Variants in SEC22C observed in about 807,000 individuals in gnomAD.
The protein encoded by SEC22C is SEC22 homolog C, vesicle trafficking protein.
In SEC22C, 29 loss-of-function variants were observed where a neutral mutation model predicts 34.7. The observed-to-expected ratio is 0.84, with a 90% CI of 0.62 to 1.14. SEC22C has a LOEUF of 1.14. Ranked by LOEUF, SEC22C falls within the 50% of genes most tolerant of loss-of-function variation. The pLI is 0.00. For missense variants in SEC22C, 337 were observed against 369.0 expected, an observed-to-expected ratio of 0.91 and a Z score of 0.71; for synonymous variants, 117 against 132.8, an observed-to-expected ratio of 0.88 and a Z score of 0.82.
chr3:42,549,131 C>T lies in SEC22C; in HGVS notation c.*4117G>A. On this transcript the variant is annotated 3_prime_UTR_variant, in exon 7 of 7. Transcript: ENST00000264454. Reference sequence around the variant, plus strand: ...CAAGGGCACAGCTACACTCTTTCTCCACCATTATTAACACTCACAGGGCAC... The same window carrying T: ...CAAGGGCACAGCTACACTCTTTCTCTACCATTATTAACACTCACAGGGCAC... The T allele has an allele frequency of 1.0e-6, 1 of 992,430 alleles. No individual in the cohort carries two copies. The highest frequency in any genetic ancestry group is 1.2e-6 in the Non-Finnish European group (1 of 833,682). 61.5% of individuals were successfully genotyped at this position (992,430 alleles called of 1,614,324 possible).
At chr3:42,589,627 A>C (rs1282987023) in intron 1 of SEC22C, among the ~76,000 whole-genome samples, 2 of 152,224 alleles carry the variant, frequency 1.3e-5, no homozygotes, top group East Asian at 3.8e-4. Flanking sequence ...CAGCGGGAGC[A>C]TTAGATTCTC....
Position 42,596,166 on chromosome 3 carries a change from C to T in SEC22C, c.-28+4794G>A, listed in dbSNP as rs369125001. Among the ~76,000 whole-genome samples the T allele has an allele frequency of 8.5e-5, 13 of 152,132 alleles. No homozygotes were observed. In the South Asian group the frequency reaches 2.7e-3, roughly 32 times the overall value. ...CCTCCCAAGTAGCTGGGATTACAGG[C>T]ATGTGGCACCATGCCTGGCTAATTT... On this transcript the variant is annotated intron_variant, in intron 1 of 6. Transcript: ENST00000417572.
Position 42,553,153 on chromosome 3 carries a change from G to T in SEC22C, c.*95C>A. On this transcript the variant is annotated 3_prime_UTR_variant, in exon 7 of 7. Transcript: ENST00000264454. ...TTTTTCAGTCCAGTTGGCTGAAAAG[G>T]ATGGAAACTGGAGTGTAAAGTAGAG... 3.3e-6 allele frequency: 5 copies of T among 1,521,968 alleles called. No individual in the cohort carries two copies. Among genetic ancestry groups the T allele is most frequent in the Non-Finnish European group, 4.4e-6 (5 of 1,142,686 alleles). The allele number at this position is 1,521,968 out of a possible 1,614,324, so 94.3% of individuals were successfully genotyped here.
rs931867470 is a variant in SEC22C, at chr3:42,551,160, T to C, written c.*2088A>G. ...ATTGACTTTTAAAGCTTTTTTGTTCTTCTCATTTAAAACATTTTACCTCCC... is the reference window on the plus strand; with the variant it reads ...ATTGACTTTTAAAGCTTTTTTGTTCCTCTCATTTAAAACATTTTACCTCCC... On this transcript the variant is annotated 3_prime_UTR_variant, in exon 7 of 7. Coordinates refer to ENST00000264454, the MANE Select transcript of SEC22C (RefSeq NM_032970.4). The C allele has an allele frequency of 8.1e-6, 8 of 985,256 alleles. No homozygotes were observed. The highest frequency in any genetic ancestry group is 8.4e-6 in the Non-Finnish European group (7 of 829,924). 61.0% of individuals were successfully genotyped at this position (985,256 alleles called of 1,614,324 possible).
Position 42,563,678 on chromosome 3 carries a change from G to T in SEC22C, c.191C>A (p.Ser64Tyr). 3 of 1,613,860 alleles carry T rather than the reference G, an allele frequency of 1.9e-6. No individual in the cohort carries two copies. The highest frequency in any genetic ancestry group is 2.5e-6 in the Non-Finnish European group (3 of 1,179,898). The change falls in exon 3 of 7, where the codon TCT becomes TAT. Residue 64 changes from serine to tyrosine, a missense_variant. Ser to Tyr is a moderately radical substitution (Grantham distance 144). Coordinates refer to ENST00000264454, the MANE Select transcript of SEC22C (RefSeq NM_032970.4). ...EGCDFSIHFS[S>Y]FGDVACMAIC... ...AGCCATGCAGGCCACGTCCCCGAAA[G>T]AAGAAAAACTGAAACAAAAGGGCAA... is the stretch of plus-strand genomic sequence containing the variant.
chr3:42,563,392 G>C (rs1346403050), intron 3 of SEC22C, 131 bp downstream of exon 3: 4 of 702,296 alleles, frequency 5.7e-6, no homozygotes, highest in Non-Finnish European at 9.6e-6. Flanking sequence ...CATGGTACAA[G>C]TCTGTTCTTC....
intron 1 of SEC22C, among the ~76,000 whole-genome samples, chr3:42,590,413 G>A (rs966338845): frequency 6.6e-6 from 1 of 152,018 alleles, no homozygotes; most frequent in Non-Finnish European, 1.5e-5. Flanking sequence ...GGCGGATCAC[G>A]AGGTCAGGAG....
Position 42,551,696 on chromosome 3 carries a change from T to A in SEC22C, c.*1552A>T. The A allele has an allele frequency of 1.0e-6, 1 of 963,460 alleles. No individual in the cohort carries two copies. The highest frequency in any genetic ancestry group is 1.2e-6 in the Non-Finnish European group (1 of 809,930). 59.7% of individuals were successfully genotyped at this position (963,460 alleles called of 1,614,324 possible). The stretch of plus-strand genomic sequence containing the variant: ...GAAAATTCTATTATAAAAAATAAAG[T>A]TACTATGGCAACATTTTCCCAACAT... On this transcript the variant is annotated 3_prime_UTR_variant, in exon 7 of 7. Coordinates refer to ENST00000264454, the MANE Select transcript of SEC22C (RefSeq NM_032970.4).
At chr3:42,599,110 C>T (rs1011317453) in intron 1 of SEC22C, among the ~76,000 whole-genome samples, 1 of 151,422 alleles carries the variant, frequency 6.6e-6, no homozygotes, top group East Asian at 2.0e-4. Context: ...GGACTACGGG[C>T]GACCGCCACC....
chr3:42,575,196 G>A (rs1263276519), intron 1 of SEC22C, among the ~76,000 whole-genome samples: 1 of 151,938 alleles, frequency 6.6e-6, no homozygotes, highest in African/African-American at 2.4e-5. Flanking sequence ...AGAAGTCAAG[G>A]AAAAGAAAAC....
intron 1 of SEC22C, among the ~76,000 whole-genome samples, chr3:42,596,016 T>G (rs572849098): frequency 3.2e-4 from 48 of 151,850 alleles, no homozygotes; most frequent in Non-Finnish European, 4.6e-4. Context: ...TTTTTGGTTT[T>G]GTTTTGTTTT....
intron 1 of SEC22C, among the ~76,000 whole-genome samples, chr3:42,595,508 A>G (rs1027784319): frequency 6.6e-6 from 1 of 152,212 alleles, no homozygotes; most frequent in African/African-American, 2.4e-5. Flanking sequence ...TCACATAAGG[A>G]GTGACCTGAC....
chr3:42,584,053 TC>T (rs1704527647), upstream of SEC22C, among the ~76,000 whole-genome samples: 1 of 152,162 alleles, frequency 6.6e-6, no homozygotes. Flanking sequence ...TTGTAGATGG[TC>T]TATTGTGGGA....
In SEC22C at chr3:42,557,672, AC is replaced by A. The variant is rs1702610371; in HGVS notation, c.550del (p.Val184Ter). ...GAGGGAGAGGATACCCAGGGCTGTC[AC>A]TGGTTCCATTCGGAAATTAGGAGCT... Reference protein sequence around the residue: ...EPAPNFRMEPVTALGILSLIL... With the variant: ...EPAPNFRMEPXTALGILSLIL... On this transcript the variant is annotated frameshift_variant, in exon 5 of 7. Coordinates refer to ENST00000264454, the MANE Select transcript of SEC22C (RefSeq NM_032970.4). LOFTEE classifies it high-confidence loss of function. 3 of 1,607,658 alleles carry A rather than the reference AC, an allele frequency of 1.9e-6. No homozygotes were observed. Among genetic ancestry groups the A allele is most frequent in the Admixed American group, 1.7e-5 (1 of 59,734 alleles).
chr3:42,553,205 C>T lies in SEC22C; in HGVS notation c.*43G>A, dbSNP rs1702330829. The T allele has an allele frequency of 6.2e-7, 1 of 1,606,512 alleles. No individual in the cohort carries two copies. Among genetic ancestry groups the T allele is most frequent in the Non-Finnish European group, 8.5e-7 (1 of 1,177,168 alleles). ...AGCAGAAAGAGAAACATAGATTGAT[C>T]CTCAAAAGAAAATCAAAGAATCCAT... On this transcript the variant is annotated 3_prime_UTR_variant, in exon 7 of 7. Transcript: ENST00000264454.
In SEC22C at chr3:42,576,734, GA is replaced by G. The variant is rs1015833845; in HGVS notation, c.-28+5111del. The stretch of plus-strand genomic sequence containing the variant: ...GATATACAGGTTTAATACAACTACT[GA>G]AAAAAAAAAATAAGCAAGCGAGTTT... On this transcript the variant is annotated intron_variant, in intron 1 of 6. Transcript: ENST00000264454. 2.7e-3 allele frequency among the ~76,000 whole-genome samples: 376 copies of G among 140,546 alleles called. 1 individual carries two copies. The highest frequency in any genetic ancestry group is 8.7e-3 in the African/African-American group (336 of 38,432). The allele number at this position is 140,546 out of a possible 152,430, so 92.2% of individuals were successfully genotyped here.
At chr3:42,562,687 GCA>G (rs927067578) in intron 3 of SEC22C, among the ~76,000 whole-genome samples, 18 of 152,120 alleles carry the variant, frequency 1.2e-4, no homozygotes, top group African/African-American at 4.3e-4. Context: ...TACACGGAGA[GCA>G]CAGACTGTCC....
chr3:42,580,115 G>A (rs1704227001), intron 1 of SEC22C, among the ~76,000 whole-genome samples: 2 of 152,138 alleles, frequency 1.3e-5, no homozygotes, highest in Non-Finnish European at 2.9e-5. Flanking sequence ...GATTATCTCT[G>A]TTCTATTAAC....
At chr3:42,574,488 T>C (rs1703840568) in intron 1 of SEC22C, among the ~76,000 whole-genome samples, 1 of 151,786 alleles carries the variant, frequency 6.6e-6, no homozygotes, top group Non-Finnish European at 1.5e-5. Context: ...AATCCTGGAA[T>C]ATCAGGAAGA....
Sources: allele counts gnomAD v4.1 joint callset (sites outside exome capture counted in the v4.1 genomes callset), GRCh38; gene constraint gnomAD v4.1.1; transcripts MANE v1.5; gene names NCBI Gene and HGNC (gene_info 2026-07-23, HGNC 2026-07-21).